Variants in CDON observed in about 807,000 individuals in gnomAD.
CDON encodes cell adhesion associated, oncogene regulated.
CDON carries 73 observed loss-of-function variants against 120.9 expected under a neutral mutation model. The observed-to-expected ratio is 0.60, with a 90% CI of 0.50 to 0.73. The LOEUF is 0.73. Ranked by LOEUF, CDON falls within the 30% of genes least tolerant of loss-of-function variation. The probability of loss-of-function intolerance (pLI) is 0.00; values close to 1 mark genes in which losing one functional copy is unlikely to be tolerated. For synonymous variants in CDON, 566 were observed against 573.5 expected, an observed-to-expected ratio of 0.99 and a Z score of 0.19; for missense variants, 1,470 against 1,587.3, an observed-to-expected ratio of 0.93 and a Z score of 1.26.
chr11:125,979,980 CA>C (rs939996041), intron 17 of CDON, among the ~76,000 whole-genome samples: 58 of 152,092 alleles, frequency 3.8e-4, no homozygotes, highest in African/African-American at 1.3e-3. Flanking sequence ...TTTTGTTCTC[CA>C]AATAGATTTT....
intron 16 of CDON, among the ~76,000 whole-genome samples, chr11:125,981,900 T>C (rs1239668543): frequency 6.7e-6 from 1 of 150,258 alleles, no homozygotes; most frequent in Non-Finnish European, 1.5e-5. Flanking sequence ...TGATCATTCA[T>C]ATAGCTCCTT....
At chr11:126,056,940 T>C (rs1948695039) in intron 1 of CDON, among the ~76,000 whole-genome samples, 1 of 152,246 alleles carries the variant, frequency 6.6e-6, no homozygotes, top group South Asian at 2.1e-4. Context: ...AATGCTGGAC[T>C]GGTGGTTACT....
chr11:125,996,805 A>G (rs907844717), intron 12 of CDON, among the ~76,000 whole-genome samples: 1 of 150,918 alleles, frequency 6.6e-6, no homozygotes, highest in African/African-American at 2.4e-5. Flanking sequence ...TCTTCTTTAT[A>G]TTTTCTTTAT....
At position 125,984,082 on chromosome 11, in the gene CDON, G is replaced by C. The variant is rs761687534; in HGVS notation, c.2785C>G (p.Pro929Ala). The change falls in exon 16 of 20, where the codon CCT (proline) becomes GCT (alanine). Residue 929 changes from proline (P) to alanine (A), a missense_variant. By Grantham distance (27) the Pro-to-Ala change is conservative (BLOSUM62 -1). Transcript: ENST00000531738. ...MICETKVKRV[P>A]GASEYPVKDL... is the part of the protein sequence containing the mutation. Reference sequence around the variant, plus strand: ...TTGACAGGATATTCAGAAGCTCCAGGAACACGTTTCACTAGTTGAAATATA... The same window carrying C: ...TTGACAGGATATTCAGAAGCTCCAGCAACACGTTTCACTAGTTGAAATATA... The C allele has an allele frequency of 6.2e-7, 1 of 1,609,922 alleles. No homozygotes were observed. Among genetic ancestry groups the C allele is most frequent in the Non-Finnish European group, 8.5e-7 (1 of 1,176,170 alleles).
At chr11:126,014,333 T>C (rs1947396002) in intron 7 of CDON, among the ~76,000 whole-genome samples, 1 of 152,176 alleles carries the variant, frequency 6.6e-6, no homozygotes, top group Admixed American at 6.5e-5. Flanking sequence ...GGCCCAACTT[T>C]ACTTGTAATA....
At chr11:126,053,711 T>G (rs926005958) in intron 1 of CDON, among the ~76,000 whole-genome samples, 3 of 152,194 alleles carry the variant, frequency 2.0e-5, no homozygotes, top group African/African-American at 7.2e-5. Context: ...ATGGTGAGGT[T>G]TAACCCCATT....
chr11:125,999,721 C>T (rs1193057242), intron 11 of CDON, among the ~76,000 whole-genome samples: 7 of 152,126 alleles, frequency 4.6e-5, no homozygotes, highest in Non-Finnish European at 1.0e-4. Context: ...TACAGGTCCT[C>T]CCCTTCCTCC....
intron 7 of CDON, among the ~76,000 whole-genome samples, chr11:126,011,536 C>T (rs532700784): frequency 2.4e-4 from 36 of 152,310 alleles, no homozygotes; most frequent in South Asian, 1.9e-3. Flanking sequence ...TTTTCCTCCT[C>T]TGTGAAATGC....
At chr11:126,047,312 C>T (rs1034914453) in intron 1 of CDON, among the ~76,000 whole-genome samples, 22 of 152,228 alleles carry the variant, frequency 1.4e-4, no homozygotes, top group African/African-American at 5.1e-4. Context: ...CTTGAACATA[C>T]AGGAATTTAC....
intron 16 of CDON, among the ~76,000 whole-genome samples, chr11:125,981,963 CTATTTTCTTTTTTTTTTTTTTTTT>C (rs1301097412): frequency 3.1e-3 from 107 of 34,154 alleles, no homozygotes; most frequent in East Asian, 7.9e-3. Flanking sequence ...AAAAGTGATT[CTATTTTCTTTTTTTTTTTTTTTTT>C]TTTTTTTTTT....
At chr11:125,966,742 C>T (rs1450031494) in intron 18 of CDON, among the ~76,000 whole-genome samples, 2 of 151,898 alleles carry the variant, frequency 1.3e-5, no homozygotes, top group South Asian at 2.1e-4. Flanking sequence ...AGATGTATTA[C>T]CTTGAAAGGG....
At chr11:125,972,207 CAT>C (rs1411496219) in intron 18 of CDON, among the ~76,000 whole-genome samples, 1 of 152,098 alleles carries the variant, frequency 6.6e-6, no homozygotes, top group African/African-American at 2.4e-5. Flanking sequence ...GGGCAGATCA[CAT>C]GAGGCCAGGA....
At chr11:126,008,394 T>C (rs1321607610) in intron 8 of CDON, among the ~76,000 whole-genome samples, 1 of 152,106 alleles carries the variant, frequency 6.6e-6, no homozygotes, top group East Asian at 1.9e-4. Context: ...ATAATTATAC[T>C]AGAAAATTAA....
intron 1 of CDON, among the ~76,000 whole-genome samples, chr11:126,060,158 CTCAAAT>C (rs1390545714): frequency 1.3e-5 from 2 of 152,116 alleles, no homozygotes; most frequent in Admixed American, 6.6e-5. Context: ...ATAAAACATT[CTCAAAT>C]TCAAGTTCAC....
chr11:126,009,257 T>C (rs1947221150), intron 8 of CDON, among the ~76,000 whole-genome samples: 1 of 152,214 alleles, frequency 6.6e-6, no homozygotes, highest in Non-Finnish European at 1.5e-5. Flanking sequence ...AAGGGCGTCC[T>C]TGTTTGCACG....
intron 14 of CDON, among the ~76,000 whole-genome samples, chr11:125,991,861 C>A (rs1466464914): frequency 6.6e-6 from 1 of 152,072 alleles, no homozygotes; most frequent in African/African-American, 2.4e-5. Flanking sequence ...GCTCTGTGAA[C>A]CTAAGGCAAA....
At chr11:126,031,098 A>G (rs1046552441) in intron 1 of CDON, among the ~76,000 whole-genome samples, 12 of 152,222 alleles carry the variant, frequency 7.9e-5, no homozygotes, top group African/African-American at 2.7e-4. Context: ...GAGAGTAAAA[A>G]GTATTGAAAG....
chr11:126,010,681 C>A lies in CDON; in HGVS notation c.1212G>T (p.Lys404Asn). 6.2e-7 allele frequency: 1 copy of A among 1,613,906 alleles called. No homozygotes were observed. Among genetic ancestry groups the A allele is most frequent in the Non-Finnish European group, 8.5e-7 (1 of 1,179,814 alleles). Residue 404 changes from lysine (K) to asparagine (N), a missense_variant, in exon 8 of 20, where the codon AAG becomes AAT. Physicochemically the swap from Lys to Asn is moderately conservative, Grantham distance 94. Coordinates refer to ENST00000531738, the MANE Select transcript of CDON (RefSeq NM_001378964.1). Reference sequence around the variant, plus strand: ...TTACTGGTGCCGTAATTATAACTGGCTTGAATCCACCGTCTATTAAAAAAG... The same window carrying A: ...TTACTGGTGCCGTAATTATAACTGGATTGAATCCACCGTCTATTAAAAAAG... ...RLEIENDGGFKPVIITAPVSA... is the reference protein window; with the variant it reads ...RLEIENDGGFNPVIITAPVSA...
intron 7 of CDON, 40 bp from the exon 8 acceptor site, chr11:126,010,734 T>C (rs375721934): frequency 3.3e-5 from 50 of 1,522,766 alleles, no homozygotes; most frequent in Admixed American, 2.4e-4. Flanking sequence ...ATGAAGAACA[T>C]TGTAGTACCT....
Sources: gnomAD v4.1 joint callset for allele counts (sites outside exome capture counted in the v4.1 genomes callset) on GRCh38, gnomAD v4.1.1 for gene constraint, MANE v1.5 for transcripts, NCBI Gene and HGNC (gene_info 2026-07-23, HGNC 2026-07-21) for gene names.